Variants in AOPEP observed in about 807,000 individuals in gnomAD.
AOPEP encodes aminopeptidase O (putative), also known as aminopeptidase O.
Under a neutral mutation model 98.1 loss-of-function variants are expected in AOPEP, and 77 were observed. The observed-to-expected ratio is 0.78, with a 90% confidence interval of 0.65 to 0.95. The LOEUF is 0.95. Ranked by LOEUF, AOPEP falls within the 40% of genes least tolerant of loss-of-function variation. The pLI, the probability that AOPEP is intolerant of heterozygous loss-of-function variation, is 0.00. For synonymous variants in AOPEP, 346 were observed against 365.3 expected (o/e 0.95, Z 0.60); for missense variants, 1,024 against 1,024.7 (o/e 1.00, Z 0.01).
At chr9:94,729,201 C>CA (rs1244109136) in intron 1 of AOPEP, among the ~76,000 whole-genome samples, 3 of 152,094 alleles carry the variant, frequency 2.0e-5, no homozygotes, top group Admixed American at 2.0e-4. Flanking sequence ...AAAGTTCTGT[C>CA]AGAAGGATGA....
chr9:95,057,396 G>A (rs952545117), intron 13 of AOPEP, among the ~76,000 whole-genome samples: 29 of 152,210 alleles, frequency 1.9e-4, no homozygotes, highest in African/African-American at 6.0e-4. Flanking sequence ...CCCTGTGCCC[G>A]CCCCGGGCTC....
the AOPEP span, among the ~76,000 whole-genome samples, chr9:95,120,905 ATTTTTTGGCACC>A: frequency 6.6e-6 from 1 of 151,676 alleles, no homozygotes; most frequent in African/African-American, 2.4e-5. Flanking sequence ...TTACACTTCT[ATTTTTTGGCACC>A]TTAAGTCAAT....
At chr9:94,957,427 T>C (rs1271049759) in intron 9 of AOPEP, among the ~76,000 whole-genome samples, 5 of 152,154 alleles carry the variant, frequency 3.3e-5, no homozygotes, top group Non-Finnish European at 7.3e-5. Flanking sequence ...AGGCTGGTCT[T>C]GAACTTCTGA....
At position 94,867,854 on chromosome 9, in the gene AOPEP, G is replaced by C. The variant is rs116458140; in HGVS notation, c.1365-56132G>C. Among the ~76,000 whole-genome samples, 444 of 152,306 alleles carry C rather than the reference G, an allele frequency of 2.9e-3. 1 individual carries two copies. The highest frequency in any genetic ancestry group is 0.01 in the Middle Eastern group (3 of 294). On this transcript the variant is annotated intron_variant, in intron 5 of 16. Coordinates refer to ENST00000375315, the MANE Select transcript of AOPEP (RefSeq NM_001193329.3). Reference sequence around the variant, plus strand: ...GGTGCAGTCACTTCCCTGTAACGAGGTAATTTAAGCCAGTTGCCTTTCATT... The same window carrying C: ...GGTGCAGTCACTTCCCTGTAACGAGCTAATTTAAGCCAGTTGCCTTTCATT...
At chr9:95,129,588 G>A in the AOPEP span, among the ~76,000 whole-genome samples, 1 of 152,144 alleles carries the variant, frequency 6.6e-6, no homozygotes, top group Non-Finnish European at 1.5e-5. Flanking sequence ...CTATAAAAGC[G>A]GGGAAATAAA....
At chr9:94,767,593 A>G (rs1839908005) in intron 2 of AOPEP, among the ~76,000 whole-genome samples, 1 of 152,208 alleles carries the variant, frequency 6.6e-6, no homozygotes, top group South Asian at 2.1e-4. Flanking sequence ...TAAAACGAGA[A>G]GATTCCATGA....
At chr9:94,805,672 C>G (rs1199685389) in intron 5 of AOPEP, among the ~76,000 whole-genome samples, 1 of 152,156 alleles carries the variant, frequency 6.6e-6, no homozygotes, top group Non-Finnish European at 1.5e-5. Context: ...TAAAAGACTT[C>G]TGAATGTTTA....
chr9:94,979,876 TC>T (rs1401936145), intron 11 of AOPEP, among the ~76,000 whole-genome samples: 1 of 152,152 alleles, frequency 6.6e-6, no homozygotes, highest in Non-Finnish European at 1.5e-5. Context: ...TGCCCCATGG[TC>T]CCTGTCCCTT....
chr9:94,848,846 A>C lies in AOPEP; in HGVS notation c.1364+47844A>C, dbSNP rs150331858. 7.1e-3 allele frequency among the ~76,000 whole-genome samples: 1,085 copies of C among 152,108 alleles called. 10 individuals are homozygous for C. The highest frequency in any genetic ancestry group is 0.012 in the Non-Finnish European group (809 of 67,982). On this transcript the variant is annotated intron_variant, in intron 5 of 16. Coordinates refer to ENST00000375315, the MANE Select transcript of AOPEP (RefSeq NM_001193329.3). ...CCCTTGTCACCCAGGCTGGAGTGCA[A>C]TGGCACTGCAGCCTCCACTTCCTGG...
chr9:95,005,768 A>C (rs2061964969), intron 13 of AOPEP, 152 bp downstream of exon 13: 3 of 664,786 alleles, frequency 4.5e-6, no homozygotes, highest in Non-Finnish European at 8.1e-6. Context: ...TTCTACAGAA[A>C]TATTGGTCGA....
chr9:94,973,511 C>T (rs1437792244), intron 10 of AOPEP, among the ~76,000 whole-genome samples: 1 of 152,210 alleles, frequency 6.6e-6, no homozygotes, highest in Non-Finnish European at 1.5e-5. Flanking sequence ...ATTCTCTCCC[C>T]TGCCGTGTTA....
At chr9:94,871,597 A>G (rs755885695) in intron 5 of AOPEP, among the ~76,000 whole-genome samples, 1 of 152,128 alleles carries the variant, frequency 6.6e-6, no homozygotes, top group Non-Finnish European at 1.5e-5. Flanking sequence ...AATTTCTGCA[A>G]CCTCTTATCA....
At chr9:95,016,281 C>T (rs1292387142) in intron 13 of AOPEP, among the ~76,000 whole-genome samples, 1 of 123,770 alleles carries the variant, frequency 8.1e-6, no homozygotes, top group Non-Finnish European at 1.6e-5. Context: ...TATTCTCTAT[C>T]GCCCAGGCTG....
At chr9:95,064,199 A>G (rs2067623863) in intron 14 of AOPEP, among the ~76,000 whole-genome samples, 1 of 152,262 alleles carries the variant, frequency 6.6e-6, no homozygotes. Context: ...TGGAAATGGA[A>G]AAAACGACCA....
At chr9:95,036,092 T>G (rs1044082498) in intron 13 of AOPEP, among the ~76,000 whole-genome samples, 1 of 152,170 alleles carries the variant, frequency 6.6e-6, no homozygotes, top group Non-Finnish European at 1.5e-5. Context: ...TGCTGTCTAG[T>G]GATTTACATG....
At position 94,928,483 on chromosome 9, in the gene AOPEP, G is replaced by A. The variant is rs1348609446; in HGVS notation, c.1613G>A (p.Arg538His). ...CTGAGGGCTTGTCTGCGCTGGCGTC[G>A]CCTCCAGGACGAGATGCAATGCTCC... The part of the protein sequence containing the change: ...QELRACLRWR[R>H]LQDEMQCSPE... Residue 538 changes from arginine to histidine, a missense_variant, in exon 7 of 17, where the codon CGC becomes CAC. Around this residue, in one of 3 missense-constraint regions of AOPEP, gnomAD observed 566 missense variants for 551.7 expected, o/e 1.03. Coordinates refer to ENST00000375315, the MANE Select transcript of AOPEP (RefSeq NM_001193329.3). 2 of 1,550,510 alleles carry A rather than the reference G, an allele frequency of 1.3e-6. No homozygotes were observed. Among genetic ancestry groups the A allele is most frequent in the Non-Finnish European group, 1.7e-6 (2 of 1,147,038 alleles).
intron 16 of AOPEP, chr9:95,086,051 T>C: frequency 7.3e-7 from 1 of 1,367,716 alleles, no homozygotes; most frequent in South Asian, 1.1e-5. Context: ...ATATCAGTTC[T>C]CATTTTACAC....
At chr9:95,142,794 C>T in the AOPEP span, among the ~76,000 whole-genome samples, 5 of 152,264 alleles carry the variant, frequency 3.3e-5, no homozygotes, top group South Asian at 1.0e-3. Flanking sequence ...GTCAGAGACT[C>T]GTATGTCAGT....
chr9:94,976,612 A>G lies in AOPEP; in HGVS notation c.1917-2755A>G, dbSNP rs1392322039. ...TCTGCATCTTCCTCTTAAATATCTT[A>G]TGGGAAAGGTGGAGACTTGTTTTCA... On this transcript the variant is annotated intron_variant, in intron 10 of 16. Coordinates refer to ENST00000375315, the MANE Select transcript of AOPEP (RefSeq NM_001193329.3). Among the ~76,000 whole-genome samples, 10 of 149,104 alleles carry G rather than the reference A, an allele frequency of 6.7e-5. No homozygotes were observed. The East Asian group carries it at 2.0e-3, about 29-fold the overall frequency.
Sources: gnomAD v4.1 joint callset for allele counts (sites outside exome capture counted in the v4.1 genomes callset) on GRCh38, gnomAD v4.1.1 for gene constraint, gnomAD v4.1.1 regional missense constraint, MANE v1.5 for transcripts, NCBI Gene and HGNC (gene_info 2026-07-23, HGNC 2026-07-21) for gene names.